The following STK32B variants were observed in gnomAD, a reference collection of about 807,000 sequenced individuals.
STK32B encodes serine/threonine kinase 32B.
A neutral mutation model predicts 52.6 loss-of-function variants in STK32B; 43 were observed. The ratio of observed to expected loss-of-function variants is 0.82; its 90% CI spans 0.64 to 1.05. STK32B has a LOEUF of 1.05. STK32B is among the 50% of genes least tolerant of loss of function. STK32B has a pLI of 0.00. For synonymous variants in STK32B, 238 were observed against 204.3 expected (o/e 1.17, Z -1.41); for missense variants, 621 against 534.6 (o/e 1.16, Z -1.59).
chr4:5,207,438 A>C lies in STK32B; in HGVS notation c.260+38988A>C, dbSNP rs557684747. ...TGCACGTGCTCTCTTGCCTGCCACC[A>C]TGTAAGACGTGACTTTGCTCCTCCT... On this transcript the variant is annotated intron_variant, in intron 3 of 11. Transcript: ENST00000282908. 3.3e-5 allele frequency among the ~76,000 whole-genome samples: 5 copies of C among 152,164 alleles called. No homozygotes were observed. In the South Asian group the frequency reaches 8.3e-4, roughly 25 times the overall value.
intron 2 of STK32B, 196 bp downstream of exon 2, chr4:5,140,156 A>C (rs1716322394): frequency 6.9e-7 from 1 of 1,441,572 alleles, no homozygotes; most frequent in South Asian, 1.2e-5. Flanking sequence ...AATTACCACA[A>C]CAGCCCTGGT....
At chr4:5,139,993 A>G (rs961015539) in intron 2 of STK32B, 33 bp downstream of exon 2, 7 of 1,612,988 alleles carry the variant, frequency 4.3e-6, no homozygotes, top group Non-Finnish European at 5.9e-6. Context: ...CACTGGGCTT[A>G]AGTATGTGTG....
chr4:5,403,932 A>ATCCTAACTCTTGGTCTTCCTTCCTCT, intron 5 of STK32B, among the ~76,000 whole-genome samples: 2 of 152,102 alleles, frequency 1.3e-5, no homozygotes, highest in African/African-American at 4.8e-5. Context: ...TATGGGTCCC[A>ATCCTAACTCTTGGTCTTCCTTCCTCT]AGACTGTAAG....
At chr4:5,196,063 G>C (rs1015218058) in intron 3 of STK32B, among the ~76,000 whole-genome samples, 2 of 152,178 alleles carry the variant, frequency 1.3e-5, no homozygotes, top group African/African-American at 4.8e-5. Context: ...GATTGACAGG[G>C]AGTAGGAAAG....
chr4:5,325,219 A>G (rs531738454), intron 3 of STK32B, among the ~76,000 whole-genome samples: 2 of 152,332 alleles, frequency 1.3e-5, no homozygotes, highest in East Asian at 3.9e-4. Context: ...TATTTTATGT[A>G]GACTCATGGT....
chr4:5,158,820 G>A (rs1005551448), intron 2 of STK32B, among the ~76,000 whole-genome samples: 6 of 152,010 alleles, frequency 3.9e-5, no homozygotes, highest in African/African-American at 1.5e-4. Flanking sequence ...TACTGGATTG[G>A]GGCCCACCCA....
intron 1 of STK32B, among the ~76,000 whole-genome samples, chr4:5,064,375 TATATA>T (rs1312448111): frequency 1.1e-5 from 1 of 93,028 alleles, no homozygotes; most frequent in Non-Finnish European, 2.5e-5. Flanking sequence ...CTTATATACA[TATATA>T]ATATATAAAT....
intron 3 of STK32B, among the ~76,000 whole-genome samples, chr4:5,188,230 G>A (rs1720899228): frequency 6.6e-6 from 1 of 152,172 alleles, no homozygotes; most frequent in Non-Finnish European, 1.5e-5. Context: ...TGTGCAGATG[G>A]AGGCCACGAT....
At chr4:5,203,661 C>T (rs371159146) in intron 3 of STK32B, among the ~76,000 whole-genome samples, 15 of 152,336 alleles carry the variant, frequency 9.8e-5, no homozygotes, top group African/African-American at 3.6e-4. Flanking sequence ...GCGCACAGTA[C>T]TCAATCATTA....
chr4:5,159,699 A>ATATATATGAATG (rs1718257800), intron 2 of STK32B, among the ~76,000 whole-genome samples: 2 of 112,998 alleles, frequency 1.8e-5, no homozygotes, highest in East Asian at 2.2e-4. Flanking sequence ...ATATATGAAT[A>ATATATATGAATG]TATATGAATA....
intron 3 of STK32B, among the ~76,000 whole-genome samples, chr4:5,220,288 G>C (rs766916260): frequency 1.3e-5 from 2 of 152,180 alleles, no homozygotes; most frequent in Non-Finnish European, 2.9e-5. Flanking sequence ...ATACATACTA[G>C]TAGTATAAAG....
At chr4:5,304,157 G>C (rs1729759481) in intron 3 of STK32B, among the ~76,000 whole-genome samples, 1 of 152,024 alleles carries the variant, frequency 6.6e-6, no homozygotes, top group African/African-American at 2.4e-5. Context: ...CTATGGCTAT[G>C]CAGGCTCTTT....
chr4:5,214,993 T>C (rs1325206349), intron 3 of STK32B, among the ~76,000 whole-genome samples: 1 of 152,222 alleles, frequency 6.6e-6, no homozygotes, highest in Non-Finnish European at 1.5e-5. Context: ...TGAAAAGAGA[T>C]GGATCATTGC....
At chr4:5,292,472 C>T (rs1170952960) in intron 3 of STK32B, among the ~76,000 whole-genome samples, 2 of 151,874 alleles carry the variant, frequency 1.3e-5, no homozygotes, top group Non-Finnish European at 2.9e-5. Context: ...TTTCCTTTTC[C>T]CACTTTTTAA....
intron 2 of STK32B, among the ~76,000 whole-genome samples, chr4:5,167,373 A>C: frequency 6.6e-6 from 1 of 152,216 alleles, no homozygotes; most frequent in East Asian, 1.9e-4. Flanking sequence ...GAGATGGTCA[A>C]GGAGATGATT....
rs1217996447 is a variant in STK32B, at chr4:5,064,519, C to A, written c.52+12604C>A. Among the ~76,000 whole-genome samples the A allele has an allele frequency of 9.6e-5, 5 of 52,304 alleles. 2 individuals carry two copies. Among genetic ancestry groups the A allele is most frequent in the Admixed American group, 6.3e-4 (2 of 3,194 alleles). 34.3% of individuals were successfully genotyped at this position (52,304 alleles called of 152,430 possible). ...TACATATATAATATATAAATATATA[C>A]TTATATACATATATAATATATAAAT... On this transcript the variant is annotated intron_variant, in intron 1 of 11. Transcript: ENST00000282908.
chr4:5,398,347 G>A lies in STK32B; in HGVS notation c.472+103G>A, dbSNP rs1225519278. The A allele has an allele frequency of 4.9e-6, 6 of 1,214,238 alleles. No homozygotes were observed. The African/African-American group carries it at 6.0e-5, about 12-fold the overall frequency. 75.2% of individuals were successfully genotyped at this position (1,214,238 alleles called of 1,614,324 possible). On this transcript the variant is annotated intron_variant, in intron 5 of 11. Coordinates refer to ENST00000282908, the MANE Select transcript of STK32B (RefSeq NM_018401.3). This position sits in a 1 kb window ranked among gnomAD's most constrained non-coding sequence, Gnocchi z 4.9. ...TTGGGTCTTGCTGAGTTGGACATTAGCATTGGCTAGAAACCTTCTCTTGTT... is the reference window on the plus strand; with the variant it reads ...TTGGGTCTTGCTGAGTTGGACATTAACATTGGCTAGAAACCTTCTCTTGTT...
At chr4:5,028,209 C>A in the STK32B span, among the ~76,000 whole-genome samples, 4 of 152,212 alleles carry the variant, frequency 2.6e-5, no homozygotes, top group Non-Finnish European at 5.9e-5. Flanking sequence ...TCTTAGCTCA[C>A]TGCAGCCTCA....
intron 4 of STK32B, among the ~76,000 whole-genome samples, chr4:5,387,865 C>T (rs1736356640): frequency 6.6e-6 from 1 of 152,196 alleles, no homozygotes; most frequent in Non-Finnish European, 1.5e-5. Flanking sequence ...CTGCCTCAGC[C>T]TCCCGAGTAG....
Sources: allele counts gnomAD v4.1 joint callset (sites outside exome capture counted in the v4.1 genomes callset), GRCh38; gene constraint gnomAD v4.1.1; non-coding constraint Gnocchi (gnomAD v3.1); transcripts MANE v1.5; gene names NCBI Gene and HGNC (gene_info 2026-07-23, HGNC 2026-07-21).